Variants in AGBL4 observed in about 807,000 individuals in gnomAD.
The protein encoded by AGBL4 is cytosolic carboxypeptidase 6.
In AGBL4, 58 loss-of-function variants were observed where a neutral mutation model predicts 66.4. The ratio of observed to expected loss-of-function variants is 0.87; its 90% confidence interval spans 0.71 to 1.09. The LOEUF (loss-of-function observed/expected upper bound fraction) is 1.09. Among genes scored for constraint, AGBL4 ranks in the 50% least tolerant of loss-of-function variants. AGBL4 has a pLI of 0.00. For synonymous variants in AGBL4, 234 were observed against 222.9 expected, an observed-to-expected ratio of 1.05 and a Z score of -0.44; for missense variants, 579 against 631.0, an observed-to-expected ratio of 0.92 and a Z score of 0.88.
At chr1:48,777,424 G>GCC (rs1286937162) in intron 6 of AGBL4, among the ~76,000 whole-genome samples, 3 of 151,876 alleles carry the variant, frequency 2.0e-5, no homozygotes, top group Admixed American at 6.6e-5. Flanking sequence ...CCCTACCCGC[G>GCC]CCCCCAGCCC....
chr1:49,371,676 T>TCTATCC (rs975141597), intron 3 of AGBL4, among the ~76,000 whole-genome samples: 2 of 152,142 alleles, frequency 1.3e-5, no homozygotes, highest in African/African-American at 4.8e-5. Context: ...AGAGTGTATC[T>TCTATCC]CTATCCCCGT....
At chr1:49,915,090 T>C (rs533765070) in intron 1 of AGBL4, among the ~76,000 whole-genome samples, 1 of 152,018 alleles carries the variant, frequency 6.6e-6, no homozygotes, top group African/African-American at 2.4e-5. Flanking sequence ...CAATTTTAAG[T>C]AAAAATTATC....
intron 3 of AGBL4, among the ~76,000 whole-genome samples, chr1:49,473,088 T>C (rs1646777977): frequency 6.6e-6 from 1 of 152,108 alleles, no homozygotes; most frequent in Non-Finnish European, 1.5e-5. Flanking sequence ...ATGTCATTGC[T>C]ATGGTGAATA....
chr1:49,661,059 T>A (rs976556943), intron 3 of AGBL4, among the ~76,000 whole-genome samples: 6 of 151,920 alleles, frequency 3.9e-5, no homozygotes, highest in Non-Finnish European at 8.8e-5. Context: ...TGGCACACAT[T>A]TACCTATGTA....
chr1:49,231,623 T>G (rs758748260), intron 4 of AGBL4, among the ~76,000 whole-genome samples: 3 of 152,154 alleles, frequency 2.0e-5, no homozygotes, highest in African/African-American at 7.2e-5. Context: ...TATATGCAGG[T>G]GCACATACAC....
chr1:49,775,910 A>G (rs1336682686), intron 2 of AGBL4, among the ~76,000 whole-genome samples: 1 of 152,120 alleles, frequency 6.6e-6, no homozygotes, highest in African/African-American at 2.4e-5. Context: ...ATCTGGGTTC[A>G]AATCACAATT....
At chr1:49,102,063 A>G (rs1207472780) in intron 4 of AGBL4, among the ~76,000 whole-genome samples, 1 of 152,058 alleles carries the variant, frequency 6.6e-6, no homozygotes, top group Non-Finnish European at 1.5e-5. Flanking sequence ...GAGAAGGGAG[A>G]CACAGCACCA....
chr1:49,943,765 C>A (rs1654977841), intron 1 of AGBL4, among the ~76,000 whole-genome samples: 3 of 151,604 alleles, frequency 2.0e-5, no homozygotes, highest in African/African-American at 7.3e-5. Context: ...ACAATTCCAA[C>A]CAAATGAGAA....
intron 4 of AGBL4, 80 bp from the exon 5 acceptor site, chr1:49,045,880 CT>C: frequency 3.3e-6 from 4 of 1,203,966 alleles, no homozygotes; most frequent in Non-Finnish European, 3.5e-6. Context: ...AAATCAATGC[CT>C]GGAGAAAAAC....
At chr1:49,326,139 C>G (rs1443781827) in intron 3 of AGBL4, among the ~76,000 whole-genome samples, 1 of 152,018 alleles carries the variant, frequency 6.6e-6, no homozygotes, top group African/African-American at 2.4e-5. Context: ...TTGTCTTTAC[C>G]CTGAAGAACT....
intron 3 of AGBL4, among the ~76,000 whole-genome samples, chr1:49,600,966 T>A (rs1644946744): frequency 6.6e-6 from 1 of 152,202 alleles, no homozygotes; most frequent in African/African-American, 2.4e-5. Context: ...GCCCCCACTT[T>A]CTTGGCTTGT....
At chr1:49,225,702 C>A (rs1256600903) in intron 4 of AGBL4, among the ~76,000 whole-genome samples, 1 of 152,200 alleles carries the variant, frequency 6.6e-6, no homozygotes, top group East Asian at 1.9e-4. Context: ...TGTGGGCCAA[C>A]TATGACATAA....
At chr1:48,904,375 G>C (rs1378504346) in intron 5 of AGBL4, among the ~76,000 whole-genome samples, 2 of 152,144 alleles carry the variant, frequency 1.3e-5, no homozygotes, top group African/African-American at 4.8e-5. Flanking sequence ...AAACATGCAT[G>C]GCCATGGGTT....
chr1:49,753,299 G>A (rs1651622691), intron 2 of AGBL4, among the ~76,000 whole-genome samples: 1 of 152,146 alleles, frequency 6.6e-6, no homozygotes, highest in East Asian at 1.9e-4. Context: ...GCTTGTCTGT[G>A]AAGGATTTTA....
intron 3 of AGBL4, among the ~76,000 whole-genome samples, chr1:49,400,722 G>T (rs1182372847): frequency 1.3e-5 from 2 of 152,114 alleles, no homozygotes; most frequent in African/African-American, 4.8e-5. Flanking sequence ...TTTTTATCCT[G>T]CAACTTTATT....
chr1:49,931,380 T>C (rs1172361814), intron 1 of AGBL4, among the ~76,000 whole-genome samples: 2 of 152,192 alleles, frequency 1.3e-5, no homozygotes, highest in East Asian at 3.8e-4. Context: ...AAAGAAGGTT[T>C]AATTGACTCA....
intron 5 of AGBL4, among the ~76,000 whole-genome samples, chr1:48,879,786 G>T (rs551693192): frequency 6.6e-6 from 1 of 152,076 alleles, no homozygotes; most frequent in Admixed American, 6.6e-5. Context: ...TGCCCAAGTC[G>T]TACAGATAGT....
intron 10 of AGBL4, among the ~76,000 whole-genome samples, chr1:48,588,856 A>AGAAGAGAAGGGAAGAGAAGG (rs1422934499): frequency 7.0e-6 from 1 of 143,084 alleles, no homozygotes. Context: ...AGAAGAGAAG[A>AGAAGAGAAGGGAAGAGAAGG]GAAGGGAAGA....
chr1:48,538,988 T>C (rs1309294209), intron 12 of AGBL4, among the ~76,000 whole-genome samples: 1 of 152,174 alleles, frequency 6.6e-6, no homozygotes, highest in Non-Finnish European at 1.5e-5. Flanking sequence ...CTAGCTGGGT[T>C]CACAGCCAGT....
Sources: allele counts gnomAD v4.1 joint callset (sites outside exome capture counted in the v4.1 genomes callset), GRCh38; gene constraint gnomAD v4.1.1; transcripts MANE v1.5; gene names NCBI Gene and HGNC (gene_info 2026-07-23, HGNC 2026-07-21).